Variants in UBASH3A observed in about 807,000 individuals in gnomAD.
The protein encoded by UBASH3A is ubiquitin associated and SH3 domain containing A.
A neutral mutation model predicts 73.5 loss-of-function variants in UBASH3A; 63 were observed. The observed-to-expected ratio is 0.86, with a 90% CI of 0.70 to 1.06. The LOEUF is 1.06. Ranked by LOEUF, UBASH3A falls within the 50% of genes least tolerant of loss-of-function variation. The probability of loss-of-function intolerance (pLI) is 0.00; values close to 1 mark genes in which losing one functional copy is unlikely to be tolerated. For missense variants in UBASH3A, 860 were observed against 859.0 expected, an observed-to-expected ratio of 1.00 and a Z score of -0.02; for synonymous variants, 363 against 351.1, an observed-to-expected ratio of 1.03 and a Z score of -0.38.
At chr21:42,425,173 G>A (rs2053412501) in intron 7 of UBASH3A, among the ~76,000 whole-genome samples, 1 of 152,208 alleles carries the variant, frequency 6.6e-6, no homozygotes, top group African/African-American at 2.4e-5. Flanking sequence ...TCTGTTTCAT[G>A]GTGTAAGTTA....
Position 42,434,951 on chromosome 21 carries a change from G to C in UBASH3A, c.1390G>C (p.Ala464Pro). ...GTGTGGCATTTTCCAGTCCAGAATT[G>C]CAGGTATGTTTGAGGACTGTCTAGT... ...SSCGIFQSRI[A>P]GDALLDSGIR... The change falls in exon 10 of 15, where the codon GCA becomes CCA. Residue 464 changes from alanine to proline, a missense_variant. Ala to Pro is a conservative substitution (Grantham distance 27, BLOSUM62 -1). Coordinates refer to ENST00000319294, the MANE Select transcript of UBASH3A (RefSeq NM_018961.4). 7.4e-6 allele frequency: 12 copies of C among 1,614,058 alleles called. No homozygotes were observed. Among genetic ancestry groups the C allele is most frequent in the Non-Finnish European group, 1.0e-5 (12 of 1,179,996 alleles).
rs1316192392 is a variant in UBASH3A, at chr21:42,413,816, T to C, written c.667+293T>C. Reference sequence around the variant, plus strand: ...AGCTTAGTGCTCTCTCCTTGGCCTCTCCAGGGAAAGATTATTTAGACTCAT... The same window carrying C: ...AGCTTAGTGCTCTCTCCTTGGCCTCCCCAGGGAAAGATTATTTAGACTCAT... On this transcript the variant is annotated intron_variant, in intron 5 of 14. Coordinates refer to ENST00000319294, the MANE Select transcript of UBASH3A (RefSeq NM_018961.4). The surrounding 1 kb of genome is among the most constrained non-coding windows in gnomAD (Gnocchi z 4.5). Among the ~76,000 whole-genome samples, 2 of 152,152 alleles carry C rather than the reference T, an allele frequency of 1.3e-5. No homozygotes were observed. The highest frequency in any genetic ancestry group is 3.8e-4 in the East Asian group (2 of 5,196).
intron 11 of UBASH3A, among the ~76,000 whole-genome samples, chr21:42,441,452 A>G (rs1404649177): frequency 2.8e-5 from 2 of 71,788 alleles, no homozygotes; most frequent in Non-Finnish European, 5.7e-5. Flanking sequence ...GGCCCAGTTG[A>G]TGGGGGAGGA....
At chr21:42,420,772 TA>T (rs11290979) in intron 7 of UBASH3A, among the ~76,000 whole-genome samples, 56,358 of 151,724 alleles carry the variant, frequency 0.37, 11,060 homozygotes, top group African/African-American at 0.49. Context: ...CCTAAGTTTT[TA>T]AAAAAAAATG....
rs1489067544 is a variant in UBASH3A at position 42,404,097 on chromosome 21, G to A, written c.113+39G>A. On this transcript the variant is annotated intron_variant, in intron 1 of 14. Transcript: ENST00000319294. ...AGAGACCCCGGGGCCCAGCCAGTAA[G>A]GCTGGTGCCAGACCCTGCTGCGGCC... 7.8e-6 allele frequency: 10 copies of A among 1,275,020 alleles called. No individual in the cohort carries two copies. In the South Asian group the frequency reaches 1.1e-4, roughly 14 times the overall value. 79.0% of individuals were successfully genotyped at this position (1,275,020 alleles called of 1,614,324 possible).
rs768364335 is a variant in UBASH3A at position 42,413,223 on chromosome 21, G to A, written c.553+1G>A. On this transcript the variant is annotated splice_donor_variant, in intron 4 of 14. Transcript: ENST00000319294. LOFTEE classifies it high-confidence loss of function. The surrounding 1 kb of genome is among the most constrained non-coding windows in gnomAD (Gnocchi z 4.5). ...GCCACGGAAGCATCTCTCTTAGCAG[G>A]TGGGCAGCCCTGGCCAGTTGCAAAC... is the stretch of plus-strand genomic sequence containing the variant. 6.2e-7 allele frequency: 1 copy of A among 1,614,188 alleles called. No individual in the cohort carries two copies. The highest frequency in any genetic ancestry group is 8.5e-7 in the Non-Finnish European group (1 of 1,180,036).
At chr21:42,431,993 G>A in intron 8 of UBASH3A, 110 bp from the exon 9 acceptor site, 1 of 658,006 alleles carries the variant, frequency 1.5e-6, no homozygotes, top group Non-Finnish European at 2.8e-6. Context: ...GACTAACGAA[G>A]GAAAAGATTC....
chr21:42,415,185 G>A (rs759462588), intron 5 of UBASH3A, among the ~76,000 whole-genome samples: 14 of 152,210 alleles, frequency 9.2e-5, no homozygotes, highest in Admixed American at 5.9e-4. Flanking sequence ...AGAAGGAAAC[G>A]CAAGGACCCG....
At chr21:42,410,976 A>G (rs1187169894) in intron 3 of UBASH3A, among the ~76,000 whole-genome samples, 1 of 152,046 alleles carries the variant, frequency 6.6e-6, no homozygotes, top group African/African-American at 2.4e-5. Context: ...ATACACACAC[A>G]TACATGCATA....
chr21:42,404,631 G>A (rs565765439), intron 1 of UBASH3A, among the ~76,000 whole-genome samples: 14 of 152,286 alleles, frequency 9.2e-5, no homozygotes, highest in African/African-American at 2.9e-4. Context: ...TGAAAGTGGC[G>A]TTTCAAGATA....
chr21:42,426,639 C>G (rs2053440899), intron 7 of UBASH3A, 58 bp from the exon 8 acceptor site: 3 of 1,595,332 alleles, frequency 1.9e-6, no homozygotes, highest in Non-Finnish European at 2.6e-6. Context: ...GATGCTGGGT[C>G]TCCATGGCAA....
chr21:42,426,391 T>TA (rs1568926122), intron 7 of UBASH3A, among the ~76,000 whole-genome samples: 1 of 152,216 alleles, frequency 6.6e-6, no homozygotes, highest in Admixed American at 6.5e-5. Context: ...AATCTCATTC[T>TA]AAAAAAATAC....
At chr21:42,411,800 T>C (rs2053103624) in intron 3 of UBASH3A, among the ~76,000 whole-genome samples, 1 of 152,232 alleles carries the variant, frequency 6.6e-6, no homozygotes, top group African/African-American at 2.4e-5. Context: ...ATAACATGAC[T>C]ATTCTTGAAA....
intron 5 of UBASH3A, among the ~76,000 whole-genome samples, chr21:42,415,668 G>C (rs1370710096): frequency 6.6e-6 from 1 of 152,202 alleles, no homozygotes; most frequent in Non-Finnish European, 1.5e-5. Flanking sequence ...AGGCGCTGCC[G>C]TCCTCCAGCA....
At chr21:42,446,849 G>A (rs1049342471) in intron 14 of UBASH3A, among the ~76,000 whole-genome samples, 10 of 152,184 alleles carry the variant, frequency 6.6e-5, no homozygotes, top group Non-Finnish European at 1.0e-4. Context: ...AAATGTCTCC[G>A]GAATTACCCA....
intron 10 of UBASH3A, chr21:42,435,659 T>G (rs999927430): frequency 6.6e-6 from 1 of 152,184 alleles, no homozygotes; most frequent in African/African-American, 2.4e-5. Context: ...CATAGAGTTA[T>G]AGAGTTAGAG....
Position 42,413,276 on chromosome 21 carries a change from C to A in UBASH3A, c.553+54C>A. ...AGGGCTGGATTCACAGTGAGTGAGC[C>A]CTCTGTGGCAGGGACTAGCCCCCGG... On this transcript the variant is annotated intron_variant, in intron 4 of 14. Coordinates refer to ENST00000319294, the MANE Select transcript of UBASH3A (RefSeq NM_018961.4). This position sits in a 1 kb window ranked among gnomAD's most constrained non-coding sequence, Gnocchi z 4.5. 1.9e-6 allele frequency: 3 copies of A among 1,597,848 alleles called. No homozygotes were observed. Among genetic ancestry groups the A allele is most frequent in the Middle Eastern group, 1.8e-4 (1 of 5,706 alleles).
At chr21:42,404,394 T>TA (rs1264899497) in intron 1 of UBASH3A, among the ~76,000 whole-genome samples, 4 of 151,006 alleles carry the variant, frequency 2.6e-5, no homozygotes, top group African/African-American at 9.7e-5. Context: ...ATTTTTTTTT[T>TA]AGCTCATTAG....
intron 11 of UBASH3A, among the ~76,000 whole-genome samples, chr21:42,441,989 C>T (rs1222758093): frequency 6.6e-6 from 1 of 152,208 alleles, no homozygotes; most frequent in Admixed American, 6.5e-5. Context: ...TTCCATTCTT[C>T]ACCTCTTGCC....
Sources: allele counts gnomAD v4.1 joint callset (sites outside exome capture counted in the v4.1 genomes callset), GRCh38; gene constraint gnomAD v4.1.1; non-coding constraint Gnocchi (gnomAD v3.1); transcripts MANE v1.5; gene names NCBI Gene and HGNC (gene_info 2026-07-23, HGNC 2026-07-21).